The following CNBD1 variants were observed in gnomAD, a reference collection of about 807,000 sequenced individuals.
The protein encoded by CNBD1 is cyclic nucleotide-binding domain-containing protein 1.
A neutral mutation model predicts 54.4 loss-of-function variants in CNBD1; 71 were observed. The observed-to-expected ratio is 1.30, with a 90% CI of 1.08 to 1.59. CNBD1 has a LOEUF of 1.59. Ranked by LOEUF, CNBD1 falls within the 40% of genes most tolerant of loss-of-function variation. The pLI, the probability that CNBD1 is intolerant of heterozygous loss-of-function variation, is 0.00. For missense variants in CNBD1, 659 were observed against 518.0 expected, an observed-to-expected ratio of 1.27 and a Z score of -2.64; for synonymous variants, 182 against 170.7, an observed-to-expected ratio of 1.07 and a Z score of -0.51.
intron 8 of CNBD1, among the ~76,000 whole-genome samples, chr8:87,298,781 G>T (rs982381057): frequency 6.6e-6 from 1 of 151,416 alleles, no homozygotes; most frequent in African/African-American, 2.4e-5. Flanking sequence ...ACCATGCCCG[G>T]CCCAAATGTG....
intron 4 of CNBD1, among the ~76,000 whole-genome samples, chr8:87,098,775 T>C (rs919065335): frequency 1.6e-4 from 24 of 150,124 alleles, no homozygotes; most frequent in South Asian, 2.1e-4. Flanking sequence ...CAGTGGCTCA[T>C]GCGTGTAATC....
At chr8:87,232,266 T>A (rs1308633087) in intron 5 of CNBD1, among the ~76,000 whole-genome samples, 1 of 152,150 alleles carries the variant, frequency 6.6e-6, no homozygotes, top group Non-Finnish European at 1.5e-5. Flanking sequence ...GGACATCTAC[T>A]TTCATTCCTC....
At chr8:86,931,024 C>A (rs997274345) in intron 3 of CNBD1, among the ~76,000 whole-genome samples, 5 of 152,144 alleles carry the variant, frequency 3.3e-5, no homozygotes, top group South Asian at 2.1e-4. Flanking sequence ...TCCCCATATT[C>A]ATGTAGATAA....
chr8:87,411,137 G>T (rs943807659), intron 2 of CNBD1, among the ~76,000 whole-genome samples: 3 of 151,720 alleles, frequency 2.0e-5, no homozygotes, highest in South Asian at 4.2e-4. Flanking sequence ...AAGTATGCTT[G>T]CATTTTTCAT....
intron 4 of CNBD1, among the ~76,000 whole-genome samples, chr8:87,089,673 G>A (rs1811167287): frequency 6.6e-6 from 1 of 152,074 alleles, no homozygotes; most frequent in Non-Finnish European, 1.5e-5. Flanking sequence ...AGTCATAGGG[G>A]TGAGACTATA....
intron 2 of CNBD1, among the ~76,000 whole-genome samples, chr8:87,411,940 GAA>G (rs1807753578): frequency 6.6e-6 from 1 of 151,922 alleles, no homozygotes; most frequent in South Asian, 2.1e-4. Context: ...TTGTACGGGA[GAA>G]GTGTTTGACA....
chr8:87,289,142 TGTGTGTTTTGATCTTATTTTAAG>T (rs1162532280), intron 8 of CNBD1, among the ~76,000 whole-genome samples: 1 of 152,116 alleles, frequency 6.6e-6, no homozygotes, highest in African/African-American at 2.4e-5. Flanking sequence ...AGCATAATTA[TGTGTGTTTTGATCTTATTTTAAG>T]AATGTACAGT....
At chr8:87,173,044 T>G (rs955529486) in intron 4 of CNBD1, among the ~76,000 whole-genome samples, 8 of 152,120 alleles carry the variant, frequency 5.3e-5, no homozygotes, top group Non-Finnish European at 1.0e-4. Context: ...TGTTGTATAT[T>G]TTTTACTTGA....
intron 4 of CNBD1, among the ~76,000 whole-genome samples, chr8:87,157,949 G>T (rs1812780814): frequency 6.6e-6 from 1 of 152,038 alleles, no homozygotes; most frequent in Admixed American, 6.6e-5. Flanking sequence ...TTGGAGTCAG[G>T]CGACTAATTC....
chr8:87,210,144 G>C (rs187740558), intron 5 of CNBD1, among the ~76,000 whole-genome samples: 7 of 152,318 alleles, frequency 4.6e-5, no homozygotes, highest in Admixed American at 1.3e-4. Flanking sequence ...TACAGTATCT[G>C]TAGAAGAAAT....
intron 10 of CNBD1, among the ~76,000 whole-genome samples, chr8:87,360,156 T>G (rs1216603150): frequency 6.6e-6 from 1 of 152,018 alleles, no homozygotes; most frequent in Non-Finnish European, 1.5e-5. Flanking sequence ...TCACTGTACC[T>G]GTACTTCAAG....
At chr8:87,082,785 A>C (rs1811022940) in intron 4 of CNBD1, among the ~76,000 whole-genome samples, 1 of 152,016 alleles carries the variant, frequency 6.6e-6, no homozygotes, top group African/African-American at 2.4e-5. Flanking sequence ...TTGTTTTCAA[A>C]ATGTTCCATC....
chr8:87,423,449 C>T (rs1046333587), intron 2 of CNBD1, among the ~76,000 whole-genome samples: 17 of 151,780 alleles, frequency 1.1e-4, no homozygotes, highest in Non-Finnish European at 2.1e-4. Flanking sequence ...AAATATGTCC[C>T]ATCAGTACCT....
At chr8:86,952,370 A>G (rs192444513) in intron 4 of CNBD1, among the ~76,000 whole-genome samples, 8 of 152,266 alleles carry the variant, frequency 5.3e-5, no homozygotes, top group Admixed American at 2.6e-4. Context: ...GATTTTGCCT[A>G]TATTTTCTAC....
At chr8:87,089,686 A>G (rs1450658353) in intron 4 of CNBD1, among the ~76,000 whole-genome samples, 3 of 152,122 alleles carry the variant, frequency 2.0e-5, no homozygotes, top group South Asian at 2.1e-4. Context: ...AGACTATATT[A>G]TAAAGAATTG....
At chr8:87,322,175 T>C (rs1388688849) in intron 8 of CNBD1, among the ~76,000 whole-genome samples, 2 of 122,058 alleles carry the variant, frequency 1.6e-5, no homozygotes, top group Non-Finnish European at 3.6e-5. Flanking sequence ...GGTGTAAATG[T>C]GCCACATTTT....
chr8:87,380,965 A>G (rs932566730), intron 10 of CNBD1, among the ~76,000 whole-genome samples: 3 of 151,980 alleles, frequency 2.0e-5, no homozygotes, highest in African/African-American at 7.2e-5. Context: ...AGTTAAAAAT[A>G]TTTTCACATT....
At chr8:86,938,648 G>A (rs1031260569) in intron 3 of CNBD1, among the ~76,000 whole-genome samples, 12 of 152,124 alleles carry the variant, frequency 7.9e-5, no homozygotes, top group Non-Finnish European at 1.3e-4. Context: ...GAACAGTCCA[G>A]GAAAGATCTG....
chr8:87,164,301 C>T (rs1389893952), intron 4 of CNBD1, among the ~76,000 whole-genome samples: 1 of 151,576 alleles, frequency 6.6e-6, no homozygotes. Flanking sequence ...TAATGCTGGC[C>T]TCCTCAAATA....
Sources: gnomAD v4.1 joint callset for allele counts (sites outside exome capture counted in the v4.1 genomes callset) on GRCh38, gnomAD v4.1.1 for gene constraint, MANE v1.5 for transcripts, NCBI Gene and HGNC (gene_info 2026-07-23, HGNC 2026-07-21) for gene names.